FSIP2: variants seen among roughly 807,000 people sequenced by gnomAD.
FSIP2 encodes fibrous sheath-interacting protein 2.
A neutral mutation model predicts 510.5 loss-of-function variants in FSIP2; 367 were observed. The ratio of observed to expected loss-of-function variants is 0.72; its 90% CI spans 0.66 to 0.78. The LOEUF (loss-of-function observed/expected upper bound fraction) is 0.78, where lower values mean the gene tolerates loss of function less well. FSIP2 is among the 30% of genes least tolerant of loss of function. FSIP2 has a pLI of 0.00. For missense variants in FSIP2, 7,594 were observed against 7,901.7 expected (o/e 0.96, Z 1.48); for synonymous variants, 2,601 against 2,732.2 (o/e 0.95, Z 1.50).
In FSIP2 at chr2:185,794,059, A is replaced by T. The variant is rs76311269; in HGVS notation, c.6923A>T (p.Asp2308Val). Reference protein sequence around the residue: ...IFYDSSQVESDVNVLKISATE... With the variant: ...IFYDSSQVESVVNVLKISATE... ...TATGATTCAAGCCAAGTGGAATCAG[A>T]TGTAAATGTCCTGAAAATATCAGCA... The change falls in exon 16 of 23, where the codon GAT becomes GTT. Residue 2308 changes from aspartate (D) to valine (V), a missense_variant. Transcript: ENST00000424728. The T allele has an allele frequency of 5.3e-3, 8,126 of 1,532,922 alleles. 213 individuals carry two copies. In the African/African-American group the frequency reaches 0.072, roughly 14 times the overall value. 95.0% of individuals were successfully genotyped at this position (1,532,922 alleles called of 1,614,324 possible). A position where few individuals can be genotyped will look rare whatever the true frequency, so the allele number is the denominator to read the frequency against.
intron 7 of FSIP2, among the ~76,000 whole-genome samples, chr2:185,752,471 T>A (rs923650531): frequency 9.9e-5 from 15 of 151,458 alleles, no homozygotes; most frequent in African/African-American, 3.6e-4. Context: ...ACGGTTTTCA[T>A]CAAATTTGAA....
In FSIP2 at chr2:185,805,549, A is replaced by T; in HGVS notation, c.16243A>T (p.Ile5415Phe). ...TFFSFLNPDN[I>F]TQRVQHLPQN... ...CTTTTCATTTCTAAATCCAGATAATATCACCCAAAGGGTTCAACACCTACC... is the reference window on the plus strand; with the variant it reads ...CTTTTCATTTCTAAATCCAGATAATTTCACCCAAAGGGTTCAACACCTACC... Residue 5415 changes from isoleucine (I) to phenylalanine (F), a missense_variant, in exon 17 of 23, where the codon ATC (isoleucine) becomes TTC (phenylalanine). Transcript: ENST00000424728. 3 of 1,611,588 alleles carry T rather than the reference A, an allele frequency of 1.9e-6. No homozygotes were observed. The highest frequency in any genetic ancestry group is 1.7e-6 in the Non-Finnish European group (2 of 1,178,484).
chr2:185,781,482 T>A (rs1574174475), intron 13 of FSIP2, among the ~76,000 whole-genome samples: 1 of 152,200 alleles, frequency 6.6e-6, no homozygotes, highest in East Asian at 1.9e-4. Flanking sequence ...TCAAGAAGCA[T>A]CTGTATATTT....
Position 185,796,178 on chromosome 2 carries a change from T to A in FSIP2, c.9042T>A (p.Tyr3014Ter). 2.0e-6 allele frequency: 3 copies of A among 1,532,596 alleles called. No homozygotes were observed. The highest frequency in any genetic ancestry group is 2.6e-6 in the Non-Finnish European group (3 of 1,145,100). 94.9% of individuals were successfully genotyped at this position (1,532,596 alleles called of 1,614,324 possible). ...TGCAGTTTAAACATATCTCCAAATA[T>A]GAGTTTTCTGAAATTGTGAAAATGC... ...VDLQFKHISK[Y>*]EFSEIVKMPI... Residue 3014 changes from tyrosine to a stop codon, truncating the protein, a stop_gained, in exon 16 of 23, where the codon TAT (tyrosine) becomes TAA (stop). Transcript: ENST00000424728. LOFTEE classifies it high-confidence loss of function.
At chr2:185,828,674 T>C (rs1348065817) in intron 21 of FSIP2, among the ~76,000 whole-genome samples, 1 of 151,882 alleles carries the variant, frequency 6.6e-6, no homozygotes, top group East Asian at 1.9e-4. Flanking sequence ...CATTACTTCT[T>C]TACCGGCAGC....
chr2:185,739,115 C>T, intron 1 of FSIP2, 122 bp downstream of exon 1: 6 of 1,314,298 alleles, frequency 4.6e-6, no homozygotes, highest in Non-Finnish European at 6.1e-6. Context: ...GGAGGCTGCC[C>T]TCTTGCGGCG....
At chr2:185,831,940 G>T (rs1694116704) in intron 22 of FSIP2, 58 bp downstream of exon 22, 1 of 1,031,408 alleles carries the variant, frequency 9.7e-7, no homozygotes, top group East Asian at 2.4e-5. Flanking sequence ...GCATCATTTT[G>T]AATTTAGAAT....
intron 19 of FSIP2, among the ~76,000 whole-genome samples, 192 bp from the exon 20 acceptor site, chr2:185,824,242 A>T (rs547359350): frequency 6.6e-6 from 1 of 152,020 alleles, no homozygotes; most frequent in East Asian, 1.9e-4. Flanking sequence ...AATTTAATGT[A>T]TGTATAACCA....
Position 185,788,866 on chromosome 2 carries a change from A to T in FSIP2, c.1730A>T (p.Lys577Ile). 1 of 1,534,938 alleles carries T rather than the reference A, an allele frequency of 6.5e-7. No individual in the cohort carries two copies. The highest frequency in any genetic ancestry group is 8.7e-7 in the Non-Finnish European group (1 of 1,145,980). Residue 577 changes from lysine to isoleucine, a missense_variant, in exon 16 of 23, where the codon AAA becomes ATA. Lys to Ile is a moderately radical substitution (Grantham distance 102). Coordinates refer to ENST00000424728, the MANE Select transcript of FSIP2 (RefSeq NM_173651.4). ...TYRSYTSATT[K>I]TFQAEPCAFV... ...AGAAGCTACACATCTGCAACAACTA[A>T]AACATTTCAGGCAGAACCCTGTGCA...
At chr2:185,826,967 G>A (rs1376802896) in intron 20 of FSIP2, among the ~76,000 whole-genome samples, 4 of 151,668 alleles carry the variant, frequency 2.6e-5, no homozygotes, top group Non-Finnish European at 5.9e-5. Context: ...CCAAAAATCT[G>A]GGCACCATAA....
At position 185,790,841 on chromosome 2, in the gene FSIP2, A is replaced by C; in HGVS notation, c.3705A>C (p.Leu1235Phe). ...AAAAGAAAATGAAATATTTATCTTT[A>C]TTTGACGTTGATCCTGAAAAGCCTC... ...DSEKKMKYLS[L>F]FDVDPEKPPW... The change falls in exon 16 of 23, where the codon TTA (leucine) becomes TTC (phenylalanine). Residue 1235 changes from leucine to phenylalanine, a missense_variant. Coordinates refer to ENST00000424728, the MANE Select transcript of FSIP2 (RefSeq NM_173651.4). 6.5e-6 allele frequency: 10 copies of C among 1,533,078 alleles called. No individual in the cohort carries two copies. The highest frequency in any genetic ancestry group is 8.7e-6 in the Non-Finnish European group (10 of 1,144,978). 95.0% of individuals were successfully genotyped at this position (1,533,078 alleles called of 1,614,324 possible).
upstream of FSIP2, chr2:185,738,279 A>C: frequency 3.3e-6 from 1 of 301,576 alleles, no homozygotes; most frequent in Non-Finnish European, 6.3e-6. Flanking sequence ...GAAAGAGGGA[A>C]ATAGGATCAA....
chr2:185,791,079 G>C lies in FSIP2; in HGVS notation c.3943G>C (p.Glu1315Gln). Residue 1315 changes from glutamate to glutamine, a missense_variant, in exon 16 of 23, where the codon GAA becomes CAA. Glu to Gln is a conservative substitution (Grantham distance 29). Coordinates refer to ENST00000424728, the MANE Select transcript of FSIP2 (RefSeq NM_173651.4). ...CCAGAATGAACTGGAACTTCACAAG[G>C]AAAACCTAAATCTTAGGGAGATTGA... ...AIQNELELHKENLNLREIDHT... is the reference protein window; with the variant it reads ...AIQNELELHKQNLNLREIDHT... The C allele has an allele frequency of 6.5e-7, 1 of 1,531,810 alleles. No individual in the cohort carries two copies. The highest frequency in any genetic ancestry group is 8.7e-7 in the Non-Finnish European group (1 of 1,144,712). 94.9% of individuals were successfully genotyped at this position (1,531,810 alleles called of 1,614,324 possible).
intron 2 of FSIP2, among the ~76,000 whole-genome samples, chr2:185,740,184 C>T (rs541257768): frequency 6.6e-6 from 1 of 152,276 alleles, no homozygotes; most frequent in African/African-American, 2.4e-5. Context: ...GTCTTCTTCT[C>T]CCCAGTCTAT....
intron 19 of FSIP2, among the ~76,000 whole-genome samples, chr2:185,823,203 T>C (rs1693956689): frequency 6.6e-6 from 1 of 151,742 alleles, no homozygotes; most frequent in Admixed American, 6.6e-5. Context: ...AAAAGAAAAA[T>C]AGATATATTG....
At chr2:185,755,148 G>A (rs1692219442) in intron 8 of FSIP2, among the ~76,000 whole-genome samples, 1 of 151,426 alleles carries the variant, frequency 6.6e-6, no homozygotes, top group South Asian at 2.1e-4. Context: ...CTAACTGGAA[G>A]GTCCCTTTTC....
At position 185,792,171 on chromosome 2, in the gene FSIP2, C is replaced by T. The variant is rs1693148278; in HGVS notation, c.5035C>T (p.Leu1679Phe). 1 of 1,532,406 alleles carries T rather than the reference C, an allele frequency of 6.5e-7. No homozygotes were observed. Among genetic ancestry groups the T allele is most frequent in the Non-Finnish European group, 8.7e-7 (1 of 1,144,770 alleles). The allele number at this position is 1,532,406 out of a possible 1,614,324, so 94.9% of individuals were successfully genotyped here. A position where few individuals can be genotyped will look rare whatever the true frequency, so the allele number is the denominator to read the frequency against. The change falls in exon 16 of 23, where the codon CTT (leucine) becomes TTT (phenylalanine). Residue 1679 changes from leucine (L) to phenylalanine (F), a missense_variant. Leu to Phe is a conservative substitution (Grantham distance 22). Coordinates refer to ENST00000424728, the MANE Select transcript of FSIP2 (RefSeq NM_173651.4). ...VENPPPETQI[L>F]KYVVKLILDA... ...AAACCCACCACCTGAGACTCAAATA[C>T]TTAAGTATGTAGTCAAGTTAATTTT...
intron 13 of FSIP2, among the ~76,000 whole-genome samples, chr2:185,781,069 T>G (rs1012008780): frequency 1.2e-4 from 18 of 151,804 alleles, no homozygotes; most frequent in African/African-American, 3.9e-4. Flanking sequence ...ATTTTTTTTT[T>G]TTTGTAGATG....
At chr2:185,797,925 A>G (rs943274933) in intron 16 of FSIP2, among the ~76,000 whole-genome samples, 1 of 151,920 alleles carries the variant, frequency 6.6e-6, no homozygotes, top group African/African-American at 2.4e-5. Flanking sequence ...TCCTGGCCTC[A>G]TGTGATCCTT....
Sources: allele counts gnomAD v4.1 joint callset (sites outside exome capture counted in the v4.1 genomes callset), GRCh38; gene constraint gnomAD v4.1.1; transcripts MANE v1.5; gene names NCBI Gene and HGNC (gene_info 2026-07-23, HGNC 2026-07-21).